NRG1: variants seen among roughly 807,000 people sequenced by gnomAD.
The protein encoded by NRG1 is neuregulin 1, also known as pro-neuregulin-1, membrane-bound isoform.
In NRG1, 18 loss-of-function variants were observed where a neutral mutation model predicts 63.8. The observed-to-expected ratio is 0.28, with a 90% confidence interval of 0.19 to 0.42. NRG1 has a LOEUF of 0.42. NRG1 is among the 10% of genes least tolerant of loss of function. The probability of loss-of-function intolerance (pLI) is 1.00; values close to 1 mark genes in which losing one functional copy is unlikely to be tolerated. For synonymous variants in NRG1, 302 were observed against 301.3 expected (o/e 1.00, Z -0.02); for missense variants, 762 against 814.7 (o/e 0.94, Z 0.79).
chr8:32,069,470 G>A lies in NRG1; in HGVS notation c.37+430039G>A, dbSNP rs16878730. Among the ~76,000 whole-genome samples, 828 of 152,262 alleles carry A rather than the reference G, an allele frequency of 5.4e-3. 4 individuals are homozygous for A. Among genetic ancestry groups the A allele is most frequent in the African/African-American group, 0.016 (673 of 41,552 alleles). The stretch of plus-strand genomic sequence containing the variant: ...GAAAATGCTTATACTTTGAAAAGTC[G>A]TGAATTAAATAGAACTTTCTAGCAA... On this transcript the variant is annotated intron_variant, in intron 1 of 10. Coordinates refer to the NRG1 transcript ENST00000519301.
chr8:32,114,042 C>A (rs796942301), intron 1 of NRG1, among the ~76,000 whole-genome samples: 57 of 152,296 alleles, frequency 3.7e-4, no homozygotes, highest in African/African-American at 1.3e-3. Flanking sequence ...GTTTACCATT[C>A]CAACTCACTT....
chr8:32,268,196 T>G (rs1851186014), intron 1 of NRG1, among the ~76,000 whole-genome samples: 1 of 152,192 alleles, frequency 6.6e-6, no homozygotes, highest in Admixed American at 6.5e-5. Context: ...CTTCCCTGGT[T>G]GAGCCTCAAA....
chr8:31,806,107 C>A (rs1372460083), intron 1 of NRG1, among the ~76,000 whole-genome samples: 1 of 151,984 alleles, frequency 6.6e-6, no homozygotes, highest in Admixed American at 6.5e-5. Flanking sequence ...TTATTATTAA[C>A]CTGCCATAAT....
intron 1 of NRG1, among the ~76,000 whole-genome samples, chr8:32,394,679 C>G (rs752322164): frequency 6.6e-6 from 1 of 152,168 alleles, no homozygotes; most frequent in Non-Finnish European, 1.5e-5. Context: ...CACAACTGGA[C>G]ATTTTTGAAC....
chr8:32,691,972 C>A (rs1186652140), intron 5 of NRG1, among the ~76,000 whole-genome samples: 1 of 152,106 alleles, frequency 6.6e-6, no homozygotes, highest in African/African-American at 2.4e-5. Flanking sequence ...AGTGAAATAC[C>A]TTTATTGAAC....
At chr8:32,472,551 A>AG (rs936357800) in intron 1 of NRG1, among the ~76,000 whole-genome samples, 1 of 152,180 alleles carries the variant, frequency 6.6e-6, no homozygotes, top group Non-Finnish European at 1.5e-5. Context: ...TAAAATGTGC[A>AG]GTTTTTGTCA....
intron 5 of NRG1, among the ~76,000 whole-genome samples, chr8:32,664,163 T>C (rs1015549817): frequency 6.6e-6 from 1 of 152,024 alleles, no homozygotes; most frequent in Non-Finnish European, 1.5e-5. Flanking sequence ...TTCAGAGTAG[T>C]AGAATTGAGA....
intron 1 of NRG1, among the ~76,000 whole-genome samples, chr8:32,092,142 C>T (rs751302443): frequency 2.6e-4 from 39 of 151,734 alleles, no homozygotes; most frequent in Non-Finnish European, 5.0e-4. Context: ...CATTGACATC[C>T]CAACACATAT....
intron 1 of NRG1, among the ~76,000 whole-genome samples, chr8:31,649,499 A>G (rs28662908): frequency 0.22 from 33,254 of 152,160 alleles, 3,999 homozygotes; most frequent in African/African-American, 0.26. Context: ...ACTGTCATTA[A>G]CAAGAAGCAA....
intron 1 of NRG1, among the ~76,000 whole-genome samples, chr8:32,061,209 T>G (rs1381865): frequency 0.98 from 148,869 of 151,982 alleles, 72,982 homozygotes; most frequent in East Asian, 1. Context: ...CAAAATCTAT[T>G]ATCAATGAAT....
intron 1 of NRG1, among the ~76,000 whole-genome samples, chr8:32,117,494 G>T (rs185072067): frequency 5.9e-5 from 9 of 151,932 alleles, no homozygotes; most frequent in African/African-American, 1.9e-4. Context: ...CATAAGGGTA[G>T]CCATGACTTG....
intron 7 of NRG1, among the ~76,000 whole-genome samples, chr8:32,753,925 G>C (rs1350344125): frequency 6.6e-6 from 1 of 152,110 alleles, no homozygotes; most frequent in African/African-American, 2.4e-5. Context: ...AGGAGGAAGT[G>C]GGGGGCGCCC....
At chr8:31,647,816 G>A (rs1804433757) in intron 1 of NRG1, among the ~76,000 whole-genome samples, 1 of 152,260 alleles carries the variant, frequency 6.6e-6, no homozygotes, top group South Asian at 2.1e-4. Flanking sequence ...AGGAACACTA[G>A]CACCTTTCTT....
intron 1 of NRG1, among the ~76,000 whole-genome samples, chr8:31,913,245 T>C (rs1311629097): frequency 6.6e-6 from 1 of 152,182 alleles, no homozygotes; most frequent in East Asian, 1.9e-4. Context: ...AAGATCAGCA[T>C]ATTCATCTTC....
chr8:32,256,323 T>C (rs1162178418), intron 1 of NRG1, among the ~76,000 whole-genome samples: 1 of 152,206 alleles, frequency 6.6e-6, no homozygotes, highest in Non-Finnish European at 1.5e-5. Context: ...TCTGTGTGGA[T>C]TTATCTACCT....
intron 7 of NRG1, chr8:32,743,246 TA>T: frequency 1.0e-6 from 1 of 984,394 alleles, no homozygotes; most frequent in Non-Finnish European, 1.2e-6. Flanking sequence ...TTTTCTTCAT[TA>T]ACCAAACAGT....
intron 1 of NRG1, among the ~76,000 whole-genome samples, chr8:32,108,632 G>A (rs1831589325): frequency 6.6e-6 from 1 of 152,072 alleles, no homozygotes; most frequent in Non-Finnish European, 1.5e-5. Flanking sequence ...GATGATCTCG[G>A]TGGGCCCCTT....
intron 1 of NRG1, among the ~76,000 whole-genome samples, chr8:32,444,621 AG>A (rs1268218062): frequency 6.6e-6 from 1 of 152,210 alleles, no homozygotes; most frequent in African/African-American, 2.4e-5. Context: ...CATTTCCCAA[AG>A]GGGGAACCCA....
chr8:32,659,041 G>T (rs536131406), intron 5 of NRG1, among the ~76,000 whole-genome samples: 1 of 152,082 alleles, frequency 6.6e-6, no homozygotes. Flanking sequence ...GATTTATAGC[G>T]CAGATTTAGG....
Sources: gnomAD v4.1 joint callset for allele counts (sites outside exome capture counted in the v4.1 genomes callset) on GRCh38, gnomAD v4.1.1 for gene constraint, MANE v1.5 for transcripts, NCBI Gene and HGNC (gene_info 2026-07-23, HGNC 2026-07-21) for gene names.